Variants in INTS6L observed in about 807,000 individuals in gnomAD.
The protein encoded by INTS6L is integrator complex subunit 6-like.
In INTS6L, 18 loss-of-function variants were observed where a neutral mutation model predicts 64.7. The ratio of observed to expected loss-of-function variants is 0.28; its 90% confidence interval spans 0.19 to 0.41. INTS6L has a LOEUF of 0.41. Among genes scored for constraint, INTS6L ranks in the 10% least tolerant of loss-of-function variants. The probability of loss-of-function intolerance (pLI) is 1.00; values close to 1 mark genes in which losing one functional copy is unlikely to be tolerated. For missense variants in INTS6L, 533 were observed against 661.0 expected (o/e 0.81, Z 2.12); for synonymous variants, 227 against 235.9 (o/e 0.96, Z 0.34).
At chrX:135,571,938 G>A (rs1453684748) in intron 11 of INTS6L, 1 of 111,524 alleles carries the variant, frequency 9.0e-6, no homozygotes, top group Non-Finnish European at 1.9e-5. Context: ...ATTTTTTAGT[G>A]ATAATAAACA....
chrX:135,528,789 A>T (rs1240541473), intron 2 of INTS6L, among the ~76,000 whole-genome samples: 3 of 109,186 alleles, frequency 2.7e-5, no homozygotes, highest in African/African-American at 1.0e-4. Flanking sequence ...CTTTCTTAAG[A>T]TATTTTATGA....
Position 135,556,426 on chromosome X carries a change from C to A in INTS6L, c.1192+126C>A, listed in dbSNP as rs1009379334. 23 of 607,204 alleles carry A rather than the reference C, an allele frequency of 3.8e-5. No homozygotes were observed. In the African/African-American group the frequency reaches 5.0e-4, roughly 13 times the overall value. The allele number at this position is 607,204 out of a possible 1,213,427, so 50.0% of individuals were successfully genotyped here. A position where few individuals can be genotyped will look rare whatever the true frequency, so the allele number is the denominator to read the frequency against. On this transcript the variant is annotated intron_variant, in intron 9 of 17. Coordinates refer to ENST00000639893, the MANE Select transcript of INTS6L (RefSeq NM_001351601.3). ...GATTTGAAAGGATAGAATTTGCATA[C>A]TGTTTTCTGTTTTGTTTGTTTTCTT...
At chrX:135,528,566 A>G (rs2085804307) in intron 2 of INTS6L, among the ~76,000 whole-genome samples, 1 of 111,490 alleles carries the variant, frequency 9.0e-6, no homozygotes, top group African/African-American at 3.3e-5. Flanking sequence ...CATAGCGTCC[A>G]CTTAGCCACG....
chrX:135,551,629 G>A (rs1205530371), intron 7 of INTS6L, among the ~76,000 whole-genome samples: 1 of 112,427 alleles, frequency 8.9e-6, no homozygotes, highest in Non-Finnish European at 1.9e-5. Flanking sequence ...ACAAAGGAAT[G>A]AAGGGCAGGC....
intron 2 of INTS6L, among the ~76,000 whole-genome samples, chrX:135,524,322 TTTGA>T (rs1251504920): frequency 2.7e-5 from 3 of 111,881 alleles, no homozygotes; most frequent in South Asian, 3.7e-4. Context: ...TAGGTCTTTC[TTTGA>T]TTGTCAGCGG....
intron 2 of INTS6L, among the ~76,000 whole-genome samples, chrX:135,534,112 G>A (rs1276292885): frequency 9.1e-6 from 1 of 110,439 alleles, no homozygotes; most frequent in African/African-American, 3.3e-5. Flanking sequence ...TGAGAAGTGT[G>A]CTGCTTCACA....
intron 9 of INTS6L, among the ~76,000 whole-genome samples, chrX:135,568,498 T>C (rs1471095625): frequency 9.0e-6 from 1 of 110,999 alleles, no homozygotes; most frequent in Non-Finnish European, 1.9e-5. Flanking sequence ...CAGGGAAATA[T>C]GGCTAAACAA....
chrX:135,550,077 G>GTTATAATCTGTTACTTGGTTTTCA (rs1386597495), intron 7 of INTS6L, among the ~76,000 whole-genome samples: 2 of 112,172 alleles, frequency 1.8e-5, no homozygotes, highest in African/African-American at 6.5e-5. Flanking sequence ...TTTTGATGCT[G>GTTATAATCTGTTACTTGGTTTTCA]TTATAATCTG....
intron 2 of INTS6L, among the ~76,000 whole-genome samples, chrX:135,528,873 C>G (rs868941361): frequency 1.3e-5 from 1 of 78,116 alleles, no homozygotes; most frequent in African/African-American, 4.7e-5. Flanking sequence ...AACACCCCCC[C>G]CCCCGACCCA....
At chrX:135,521,178 C>G in intron 1 of INTS6L, 63 bp from the exon 2 acceptor site, 2 of 1,173,468 alleles carry the variant, frequency 1.7e-6, no homozygotes, top group Non-Finnish European at 2.3e-6. Flanking sequence ...GCTTCTGTAA[C>G]GTTTGTATCG....
intron 2 of INTS6L, among the ~76,000 whole-genome samples, chrX:135,523,492 G>C (rs2085652141): frequency 9.7e-6 from 1 of 103,244 alleles, no homozygotes; most frequent in Non-Finnish European, 2.0e-5. Context: ...TTTTCCATCT[G>C]TAAAACTTAT....
At chrX:135,531,540 T>C (rs1339642049) in intron 2 of INTS6L, among the ~76,000 whole-genome samples, 1 of 112,249 alleles carries the variant, frequency 8.9e-6, no homozygotes, top group Non-Finnish European at 1.9e-5. Flanking sequence ...TTCTCTTACA[T>C]GTGTTCCTTT....
intron 9 of INTS6L, among the ~76,000 whole-genome samples, chrX:135,561,604 A>G (rs2086791146): frequency 8.9e-6 from 1 of 112,576 alleles, no homozygotes; most frequent in African/African-American, 3.2e-5. Flanking sequence ...TATAATTGGT[A>G]TTAATTATTC....
At position 135,580,176 on chromosome X, in the gene INTS6L, G is replaced by T. The variant is rs782084153; in HGVS notation, c.2494+14G>T. ...AGTTTGGTCGAAGTAAGTAGTGAAA[G>T]AACATCTATCAATAATGCACCAGGA... On this transcript the variant is annotated intron_variant, in intron 16 of 17. Transcript: ENST00000639893. 3 of 1,165,129 alleles carry T rather than the reference G, an allele frequency of 2.6e-6. No individual in the cohort carries two copies. In the South Asian group the frequency reaches 6.2e-5, roughly 24 times the overall value.
intron 2 of INTS6L, among the ~76,000 whole-genome samples, chrX:135,539,721 C>T (rs1158690170): frequency 2.7e-5 from 3 of 111,769 alleles, no homozygotes; most frequent in Admixed American, 9.5e-5. Context: ...TTCACTTGAA[C>T]GCTTAAGAGT....
intron 9 of INTS6L, among the ~76,000 whole-genome samples, chrX:135,568,122 G>A (rs2086999295): frequency 1.8e-5 from 2 of 110,509 alleles, no homozygotes; most frequent in Admixed American, 1.9e-4. Context: ...TGATGTCTGG[G>A]GATTCCAATT....
intron 15 of INTS6L, among the ~76,000 whole-genome samples, chrX:135,578,042 T>C (rs1453144100): frequency 1.8e-5 from 2 of 111,957 alleles, no homozygotes; most frequent in Non-Finnish European, 3.8e-5. Context: ...AGCTTATAGC[T>C]TTCTTTTCCC....
At chrX:135,568,213 C>T (rs1027802264) in intron 9 of INTS6L, among the ~76,000 whole-genome samples, 48 of 110,451 alleles carry the variant, frequency 4.3e-4, no homozygotes, top group Admixed American at 1.2e-3. Context: ...AATTTTCATG[C>T]GTATATAAAA....
intron 9 of INTS6L, among the ~76,000 whole-genome samples, chrX:135,556,958 G>T (rs1444149175): frequency 6.3e-5 from 7 of 111,669 alleles, no homozygotes; most frequent in Non-Finnish European, 9.4e-5. Context: ...TTGCAAAAAG[G>T]GTCGAATCTT....
Sources: allele counts gnomAD v4.1 joint callset (sites outside exome capture counted in the v4.1 genomes callset), GRCh38; gene constraint gnomAD v4.1.1; transcripts MANE v1.5; gene names NCBI Gene and HGNC (gene_info 2026-07-23, HGNC 2026-07-21).